KLRF1: variants seen among roughly 807,000 people sequenced by gnomAD.
KLRF1 encodes killer cell lectin like receptor F1, also known as killer cell lectin-like receptor subfamily F member 1.
A neutral mutation model predicts 30.7 loss-of-function variants in KLRF1; 27 were observed. That is an observed-to-expected ratio of 0.88 (90% confidence interval 0.65 to 1.21). The LOEUF (loss-of-function observed/expected upper bound fraction) is 1.21. KLRF1 is among the 50% of genes most tolerant of loss of function. The probability of loss-of-function intolerance (pLI) is 0.00; values close to 1 mark genes in which losing one functional copy is unlikely to be tolerated. For missense variants in KLRF1, 246 were observed against 259.3 expected (o/e 0.95, Z 0.35); for synonymous variants, 92 against 89.3 (o/e 1.03, Z -0.17).
upstream of KLRF1, among the ~76,000 whole-genome samples, chr12:9,826,655 T>C (rs1399534068): frequency 6.6e-6 from 1 of 152,036 alleles, no homozygotes; most frequent in Non-Finnish European, 1.5e-5. Context: ...ATAAAGAAAA[T>C]GTGATACACA....
At chr12:9,811,545 G>T in the KLRF1 span, among the ~76,000 whole-genome samples, 3 of 152,080 alleles carry the variant, frequency 2.0e-5, no homozygotes, top group African/African-American at 7.2e-5. Flanking sequence ...AAACTAAGCA[G>T]ATCCAATCCA....
chr12:9,837,179 C>T, intron 3 of KLRF1, among the ~76,000 whole-genome samples: 1 of 152,050 alleles, frequency 6.6e-6, no homozygotes, highest in Non-Finnish European at 1.5e-5. Flanking sequence ...ATGGATTTAC[C>T]TATTCTGGAT....
At chr12:9,842,177 A>T in intron 4 of KLRF1, 144 bp from the exon 5 acceptor site, 2 of 867,346 alleles carry the variant, frequency 2.3e-6, no homozygotes, top group African/African-American at 1.7e-5. Flanking sequence ...CATATATATG[A>T]TATAATGTGT....
chr12:9,811,378 T>C, the KLRF1 span, among the ~76,000 whole-genome samples: 1 of 146,534 alleles, frequency 6.8e-6, no homozygotes, highest in Non-Finnish European at 1.5e-5. Flanking sequence ...ATTAAAACTG[T>C]CCAGGCTGGT....
At chr12:9,835,665 G>A (rs755645586) in intron 3 of KLRF1, among the ~76,000 whole-genome samples, 15 of 152,136 alleles carry the variant, frequency 9.9e-5, no homozygotes, top group African/African-American at 1.7e-4. Context: ...CAATTGTTTC[G>A]GTGACATGCA....
chr12:9,824,536 C>T (rs76019098), upstream of KLRF1, among the ~76,000 whole-genome samples: 1,800 of 152,246 alleles, frequency 0.012, 26 homozygotes, highest in African/African-American at 0.041. Flanking sequence ...AAGCTGGAAG[C>T]ATTCCCCTTG....
chr12:9,816,037 C>T, the KLRF1 span, among the ~76,000 whole-genome samples: 1 of 152,238 alleles, frequency 6.6e-6, no homozygotes, highest in South Asian at 2.1e-4. Context: ...AGGCTGGTCT[C>T]GAACTCCTGA....
the KLRF1 span, among the ~76,000 whole-genome samples, chr12:9,813,642 A>C: frequency 6.6e-6 from 1 of 152,050 alleles, no homozygotes; most frequent in Non-Finnish European, 1.5e-5. Flanking sequence ...CCCAGTAGAA[A>C]ATCAGACTTG....
chr12:9,811,389 A>G, the KLRF1 span, among the ~76,000 whole-genome samples: 1 of 150,308 alleles, frequency 6.7e-6, no homozygotes, highest in Non-Finnish European at 1.5e-5. Context: ...CCAGGCTGGT[A>G]ACATCTTTAT....
the KLRF1 span, among the ~76,000 whole-genome samples, chr12:9,816,095 C>T: frequency 6.6e-6 from 1 of 152,172 alleles, no homozygotes; most frequent in Non-Finnish European, 1.5e-5. Flanking sequence ...TGAGATTAAA[C>T]TGTGAGCCAC....
At chr12:9,829,746 G>A (rs1350569825) in intron 1 of KLRF1, among the ~76,000 whole-genome samples, 2 of 152,292 alleles carry the variant, frequency 1.3e-5, no homozygotes, top group South Asian at 2.1e-4. Context: ...GCAACAGAGC[G>A]AGACCCTGTC....
At chr12:9,840,612 A>G (rs1370982161) in intron 3 of KLRF1, among the ~76,000 whole-genome samples, 3 of 151,230 alleles carry the variant, frequency 2.0e-5, no homozygotes, top group East Asian at 3.9e-4. Flanking sequence ...TCTTGACATA[A>G]TTTAATCATT....
In KLRF1 at chr12:9,844,499, T is replaced by A. The variant is rs1867770280; in HGVS notation, c.669T>A (p.Ser223Arg). The A allele has an allele frequency of 6.2e-7, 1 of 1,603,960 alleles. No individual in the cohort carries two copies. Among genetic ancestry groups the A allele is most frequent in the African/African-American group, 1.3e-5 (1 of 74,662 alleles). ...AAATTTTCTCTGAAACCTGCAGCAGTGTTTTCAAATGGATTTGTCAGTATT... is the reference window on the plus strand; with the variant it reads ...AAATTTTCTCTGAAACCTGCAGCAGAGTTTTCAAATGGATTTGTCAGTATT... ...ESKIFSETCS[S>R]VFKWICQY The change falls in exon 6 of 6, where the codon AGT becomes AGA. Residue 223 changes from serine (S) to arginine (R), a missense_variant. Ser to Arg is a moderately radical substitution (Grantham distance 110). Coordinates refer to ENST00000617889, the MANE Select transcript of KLRF1 (RefSeq NM_016523.3).
At chr12:9,824,399 A>C (rs1359118481), upstream of KLRF1, among the ~76,000 whole-genome samples, 1 of 152,142 alleles carries the variant, frequency 6.6e-6, no homozygotes, top group Non-Finnish European at 1.5e-5. Flanking sequence ...AAACAGTAAG[A>C]GGTTTCAATA....
At chr12:9,817,575 T>C in the KLRF1 span, 1 of 316,368 alleles carries the variant, frequency 3.2e-6, no homozygotes. Context: ...AGTCTTGCAT[T>C]TTTCAACTTT....
chr12:9,824,883 A>G (rs190330120), upstream of KLRF1, among the ~76,000 whole-genome samples: 1 of 152,302 alleles, frequency 6.6e-6, no homozygotes, highest in Admixed American at 6.5e-5. Flanking sequence ...CCACAAAAAC[A>G]ATAAAATACA....
At chr12:9,834,031 A>G (rs1867513218) in intron 3 of KLRF1, among the ~76,000 whole-genome samples, 3 of 148,304 alleles carry the variant, frequency 2.0e-5, no homozygotes, top group Admixed American at 1.4e-4. Context: ...GGATTTGGGT[A>G]GGTAAAGGAA....
chr12:9,811,319 CA>C, the KLRF1 span, among the ~76,000 whole-genome samples: 9 of 62,184 alleles, frequency 1.4e-4, 1 homozygote, highest in African/African-American at 3.0e-4. Context: ...AGAAGTAGTC[CA>C]AAAAAAAAAA....
chr12:9,808,268 C>T, the KLRF1 span, among the ~76,000 whole-genome samples: 97 of 152,140 alleles, frequency 6.4e-4, no homozygotes, highest in Admixed American at 2.6e-3. Flanking sequence ...CCTTTGTGCT[C>T]CTTCCTGATT....
Sources: allele counts gnomAD v4.1 joint callset (sites outside exome capture counted in the v4.1 genomes callset), GRCh38; gene constraint gnomAD v4.1.1; transcripts MANE v1.5; gene names NCBI Gene and HGNC (gene_info 2026-07-23, HGNC 2026-07-21).